ITGB6: variants seen among roughly 807,000 people sequenced by gnomAD.
The protein encoded by ITGB6 is integrin subunit beta 6, also known as integrin beta-6.
ITGB6 carries 80 observed loss-of-function variants against 84.5 expected under a neutral mutation model. The observed-to-expected ratio is 0.95, with a 90% confidence interval of 0.79 to 1.14. The LOEUF is 1.14. Ranked by LOEUF, ITGB6 falls within the 50% of genes most tolerant of loss-of-function variation. The probability of loss-of-function intolerance (pLI) is 0.00; values close to 1 mark genes in which losing one functional copy is unlikely to be tolerated. For missense variants in ITGB6, 1,006 were observed against 968.0 expected (o/e 1.04, Z -0.52); for synonymous variants, 383 against 354.9 (o/e 1.08, Z -0.89).
intron 4 of ITGB6, among the ~76,000 whole-genome samples, chr2:160,184,895 T>C (rs1685833181): frequency 6.6e-6 from 1 of 152,190 alleles, no homozygotes; most frequent in Admixed American, 6.5e-5. Flanking sequence ...ATTATCTCAA[T>C]AGTTGCAGAA....
intron 7 of ITGB6, among the ~76,000 whole-genome samples, chr2:160,159,890 A>G (rs557184543): frequency 6.6e-6 from 1 of 152,092 alleles, no homozygotes; most frequent in Non-Finnish European, 1.5e-5. Flanking sequence ...TTTTTCATTA[A>G]TTGTTTCTCG....
At chr2:160,143,026 A>G (rs7567781) in intron 7 of ITGB6, among the ~76,000 whole-genome samples, 45,161 of 152,166 alleles carry the variant, frequency 0.3, 8,402 homozygotes, top group Non-Finnish European at 0.41. Context: ...GCTGGCTCAC[A>G]TCTGTAATCC....
chr2:160,190,261 G>A lies in ITGB6; in HGVS notation c.593+5108C>T, dbSNP rs193286395. On this transcript the variant is annotated intron_variant, in intron 4 of 14. Coordinates refer to ENST00000283249, the MANE Select transcript of ITGB6 (RefSeq NM_000888.5). ...GGAGATATACCTAATGCTAAATGAC[G>A]AGTTAATGGGTGCAGCACACCAACA... Among the ~76,000 whole-genome samples, 1,019 of 151,394 alleles carry A rather than the reference G, an allele frequency of 6.7e-3. 16 individuals carry two copies. The highest frequency in any genetic ancestry group is 0.024 in the African/African-American group (983 of 41,152).
chr2:160,191,248 T>C (rs1170873793), intron 4 of ITGB6, among the ~76,000 whole-genome samples: 1 of 152,198 alleles, frequency 6.6e-6, no homozygotes, highest in East Asian at 1.9e-4. Context: ...TAGAAATCTA[T>C]GTATTCAGTG....
At chr2:160,174,193 T>C (rs1685325244) in intron 4 of ITGB6, 54 bp from the exon 5 acceptor site, 1 of 1,321,882 alleles carries the variant, frequency 7.6e-7, no homozygotes, top group Non-Finnish European at 1.1e-6. Context: ...CCACACACAA[T>C]TAATGGATCT....
chr2:160,185,328 C>T lies in ITGB6; in HGVS notation c.593+10041G>A, dbSNP rs1685850604. On this transcript the variant is annotated intron_variant, in intron 4 of 14. Transcript: ENST00000283249. ...TGCAAAAATCACAAGCATTCCTATA[C>T]ACCAATAACAGACAGAGAGCCAAAT... Among the ~76,000 whole-genome samples the T allele has an allele frequency of 3.3e-5, 5 of 152,288 alleles. No homozygotes were observed. In the South Asian group the frequency reaches 1.0e-3, roughly 32 times the overall value.
intron 10 of ITGB6, among the ~76,000 whole-genome samples, 195 bp downstream of exon 10, chr2:160,137,239 A>G (rs1350234106): frequency 6.6e-6 from 1 of 152,168 alleles, no homozygotes; most frequent in East Asian, 1.9e-4. Context: ...TTCAGTTGGC[A>G]GAAATCTCAC....
intron 4 of ITGB6, among the ~76,000 whole-genome samples, chr2:160,181,131 G>A (rs990555294): frequency 6.6e-6 from 1 of 152,068 alleles, no homozygotes; most frequent in African/African-American, 2.4e-5. Context: ...GAATTCCAGC[G>A]AGACAGAACC....
intron 4 of ITGB6, among the ~76,000 whole-genome samples, chr2:160,182,258 G>C (rs1279061065): frequency 2.6e-5 from 4 of 152,164 alleles, no homozygotes; most frequent in Admixed American, 2.6e-4. Flanking sequence ...AAAGGTTAGA[G>C]GAATTGCTAA....
chr2:160,160,327 T>C (rs1283551198), intron 7 of ITGB6, among the ~76,000 whole-genome samples: 1 of 152,254 alleles, frequency 6.6e-6, no homozygotes, highest in Non-Finnish European at 1.5e-5. Context: ...TTTATACTAA[T>C]AATTATTTGT....
At chr2:160,166,400 A>T (rs1574109340) in intron 7 of ITGB6, among the ~76,000 whole-genome samples, 1 of 152,318 alleles carries the variant, frequency 6.6e-6, no homozygotes, top group East Asian at 1.9e-4. Context: ...AGGATATTTT[A>T]AAGCCTTGGA....
chr2:160,101,587 G>C lies in ITGB6; in HGVS notation c.*149C>G. On this transcript the variant is annotated 3_prime_UTR_variant, in exon 15 of 15. Coordinates refer to ENST00000283249, the MANE Select transcript of ITGB6 (RefSeq NM_000888.5). Reference sequence around the variant, plus strand: ...ATTATTTTGAAACTGCCAACAGTCTGTCACCTTCATGTAGAGGATGACTTA... The same window carrying C: ...ATTATTTTGAAACTGCCAACAGTCTCTCACCTTCATGTAGAGGATGACTTA... 1.6e-6 allele frequency: 1 copy of C among 643,790 alleles called. No homozygotes were observed. Among genetic ancestry groups the C allele is most frequent in the Non-Finnish European group, 2.8e-6 (1 of 361,732 alleles). 39.9% of individuals were successfully genotyped at this position (643,790 alleles called of 1,614,324 possible).
rs556292737 is a variant in ITGB6 at position 160,111,675 on chromosome 2, G to C, written c.2101+405C>G. 6.8e-4 allele frequency among the ~76,000 whole-genome samples: 100 copies of C among 146,876 alleles called. 1 individual carries two copies. The highest frequency in any genetic ancestry group is 2.4e-3 in the African/African-American group (96 of 39,194). On this transcript the variant is annotated intron_variant, in intron 13 of 14. Coordinates refer to ENST00000283249, the MANE Select transcript of ITGB6 (RefSeq NM_000888.5). Reference sequence around the variant, plus strand: ...GATCAACGCAACCTACACCTCCCAGGCTCAAGCAATTCTCCTGCCTCAGCC... The same window carrying C: ...GATCAACGCAACCTACACCTCCCAGCCTCAAGCAATTCTCCTGCCTCAGCC...
chr2:160,122,671 T>C (rs566403621), intron 12 of ITGB6, among the ~76,000 whole-genome samples: 2 of 152,328 alleles, frequency 1.3e-5, no homozygotes, highest in East Asian at 3.9e-4. Context: ...CATGTTTATC[T>C]TTGGTCACAA....
rs1217745574 is a variant in ITGB6, at chr2:160,112,149, A to G, written c.2032T>C (p.Cys678Arg). The change falls in exon 13 of 15, where the codon TGT (cysteine) becomes CGT (arginine). Residue 678 changes from cysteine to arginine, a missense_variant. Coordinates refer to ENST00000283249, the MANE Select transcript of ITGB6 (RefSeq NM_000888.5). ...GTAGTTATTAGGAATGTAATAAGAC[A>G]TTCATTTTCTCCTTGCAGAGAGCAG... ...VSCSLQGENE[C>R]LITFLITTDN... is the part of the protein sequence containing the mutation. 4 of 1,611,350 alleles carry G rather than the reference A, an allele frequency of 2.5e-6. No individual in the cohort carries two copies. In the South Asian group the frequency reaches 4.4e-5, roughly 18 times the overall value.
chr2:160,145,885 T>C (rs1405785235), intron 7 of ITGB6, among the ~76,000 whole-genome samples: 1 of 152,188 alleles, frequency 6.6e-6, no homozygotes, highest in Non-Finnish European at 1.5e-5. Context: ...CTGCTCCGAC[T>C]GTATCTCCTG....
Position 160,172,605 on chromosome 2 carries a change from C to T in ITGB6, c.885G>A (p.Leu295=). 1.2e-6 allele frequency: 2 copies of T among 1,610,480 alleles called. No homozygotes were observed. The highest frequency in any genetic ancestry group is 1.3e-5 in the African/African-American group (1 of 75,008). The change falls in exon 6 of 15, where the codon TTG becomes TTA. Residue 295 remains leucine, a synonymous_variant. Transcript: ENST00000283249. The part of the protein sequence containing the change: ...IVIPNDGLCH[L]DSKNEYSMST... The stretch of plus-strand genomic sequence containing the variant: ...ACATGGAGTATTCATTCTTGCTGTC[C>T]AAGTGACAGAGCCCGTCATTAGGAA...
rs1046539691 is a variant in ITGB6 at position 160,138,316 on chromosome 2, A to T, written c.1108-117T>A. 1.0e-5 allele frequency: 10 copies of T among 955,146 alleles called. No individual in the cohort carries two copies. The African/African-American group carries it at 1.7e-4, about 16-fold the overall frequency. The allele number at this position is 955,146 out of a possible 1,614,324, so 59.2% of individuals were successfully genotyped here. A position where few individuals can be genotyped will look rare whatever the true frequency, so the allele number is the denominator to read the frequency against. On this transcript the variant is annotated intron_variant, in intron 8 of 14. Transcript: ENST00000283249. Reference sequence around the variant, plus strand: ...ATAAATAAAACTAAATTGGGTGTCTAAAGAAATTCAGTATATCATCAATCA... The same window carrying T: ...ATAAATAAAACTAAATTGGGTGTCTTAAGAAATTCAGTATATCATCAATCA...
chr2:160,101,467 C>A lies in ITGB6; in HGVS notation c.*269G>T. Reference sequence around the variant, plus strand: ...AAATGCAAATCAGGCCCCCATGAATCATTTGATGATTTTTTGAAGCATTAA... The same window carrying A: ...AAATGCAAATCAGGCCCCCATGAATAATTTGATGATTTTTTGAAGCATTAA... On this transcript the variant is annotated 3_prime_UTR_variant, in exon 15 of 15. Transcript: ENST00000283249. 1 of 355,412 alleles carries A rather than the reference C, an allele frequency of 2.8e-6. No individual in the cohort carries two copies. The highest frequency in any genetic ancestry group is 5.1e-6 in the Non-Finnish European group (1 of 196,176). The allele number at this position is 355,412 out of a possible 1,614,324, so 22.0% of individuals were successfully genotyped here. A position where few individuals can be genotyped will look rare whatever the true frequency, so the allele number is the denominator to read the frequency against.
Sources: gnomAD v4.1 joint callset for allele counts (sites outside exome capture counted in the v4.1 genomes callset) on GRCh38, gnomAD v4.1.1 for gene constraint, MANE v1.5 for transcripts, NCBI Gene and HGNC (gene_info 2026-07-23, HGNC 2026-07-21) for gene names.